Variants in UGT2B28 observed in about 807,000 individuals in gnomAD.
The protein encoded by UGT2B28 is UDP glucuronosyltransferase family 2 member B28.
UGT2B28 carries 45 observed loss-of-function variants against 43.6 expected under a neutral mutation model. That is an observed-to-expected ratio of 1.03 (90% CI 0.81 to 1.32). The LOEUF is 1.32. Among genes scored for constraint, UGT2B28 ranks in the 40% most tolerant of loss-of-function variants. The pLI, the probability that UGT2B28 is intolerant of heterozygous loss-of-function variation, is 0.00. For missense variants in UGT2B28, 649 were observed against 625.5 expected, an observed-to-expected ratio of 1.04 and a Z score of -0.40; for synonymous variants, 204 against 208.1, an observed-to-expected ratio of 0.98 and a Z score of 0.17.
At position 69,290,978 on chromosome 4, in the gene UGT2B28, C is replaced by T. The variant is rs1327534577; in HGVS notation, c.1310+167C>T. 8.6e-5 allele frequency among the ~76,000 whole-genome samples: 12 copies of T among 140,038 alleles called. 3 individuals carry two copies. The highest frequency in any genetic ancestry group is 6.9e-3 in the Middle Eastern group (2 of 290). 91.9% of individuals were successfully genotyped at this position (140,038 alleles called of 152,430 possible). A position where few individuals can be genotyped will look rare whatever the true frequency, so the allele number is the denominator to read the frequency against. ...TTTTATCTGTTATTTAAAAATTGTG[C>T]TTGAATCCCATACATCTAATGAGTA... On this transcript the variant is annotated intron_variant, in intron 5 of 5. Coordinates refer to ENST00000335568, the MANE Select transcript of UGT2B28 (RefSeq NM_053039.2).
In UGT2B28 at chr4:69,289,532, G is replaced by C. The variant is rs530620557; in HGVS notation, c.1003-133G>C. On this transcript the variant is annotated intron_variant, in intron 3 of 5. Coordinates refer to ENST00000335568, the MANE Select transcript of UGT2B28 (RefSeq NM_053039.2). Reference sequence around the variant, plus strand: ...GTTAAGAAAATAAAATGTGAGTATTGTTTTTACATCAATCTCTGAGTAGAT... The same window carrying C: ...GTTAAGAAAATAAAATGTGAGTATTCTTTTTACATCAATCTCTGAGTAGAT... The C allele has an allele frequency of 1.7e-4, 137 of 827,720 alleles. 13 individuals are homozygous for C. In the South Asian group the frequency reaches 3.2e-3, roughly 20 times the overall value. 51.3% of individuals were successfully genotyped at this position (827,720 alleles called of 1,614,324 possible). A position where few individuals can be genotyped will look rare whatever the true frequency, so the allele number is the denominator to read the frequency against.
rs924362284 is a variant in UGT2B28, at chr4:69,283,678, T to C, written c.870+1016T>C. Reference sequence around the variant, plus strand: ...TATAGTCAGTGACTCAGAAATGTTATTAATTTTGCAATTATGGTTATTTTG... The same window carrying C: ...TATAGTCAGTGACTCAGAAATGTTACTAATTTTGCAATTATGGTTATTTTG... On this transcript the variant is annotated intron_variant, in intron 2 of 5. Coordinates refer to ENST00000335568, the MANE Select transcript of UGT2B28 (RefSeq NM_053039.2). Among the ~76,000 whole-genome samples the C allele has an allele frequency of 3.5e-5, 5 of 141,296 alleles. 2 individuals carry two copies. The highest frequency in any genetic ancestry group is 7.6e-5 in the Non-Finnish European group (5 of 65,800). 92.7% of individuals were successfully genotyped at this position (141,296 alleles called of 152,430 possible).
Position 69,290,491 on chromosome 4 carries a change from T to A in UGT2B28, c.1091-101T>A, listed in dbSNP as rs1723919583. The A allele has an allele frequency of 9.9e-6, 14 of 1,411,528 alleles. 4 individuals are homozygous for A. Among genetic ancestry groups the A allele is most frequent in the Admixed American group, 4.1e-5 (2 of 48,654 alleles). 87.4% of individuals were successfully genotyped at this position (1,411,528 alleles called of 1,614,324 possible). A position where few individuals can be genotyped will look rare whatever the true frequency, so the allele number is the denominator to read the frequency against. The stretch of plus-strand genomic sequence containing the variant: ...AGTCTGAAAAGTAATGGCAAATTAG[T>A]TTAATGTGTTATCTAGAAAACACTG... On this transcript the variant is annotated intron_variant, in intron 4 of 5. Coordinates refer to ENST00000335568, the MANE Select transcript of UGT2B28 (RefSeq NM_053039.2).
At chr4:69,289,630 A>T (rs1453700935) in intron 3 of UGT2B28, 35 bp from the exon 4 acceptor site, 1 of 1,502,598 alleles carries the variant, frequency 6.7e-7, no homozygotes, top group Non-Finnish European at 8.9e-7. Flanking sequence ...TTTGAGTTCC[A>T]CTCATGGAAT....
intron 5 of UGT2B28, among the ~76,000 whole-genome samples, chr4:69,293,675 C>A (rs1724019682): frequency 7.2e-6 from 1 of 139,610 alleles, no homozygotes; most frequent in Non-Finnish European, 1.5e-5. Flanking sequence ...AAGATGAGAA[C>A]ACCTTTGGAA....
intron 1 of UGT2B28, 48 bp from the exon 2 acceptor site, chr4:69,282,466 A>G (rs773430614): frequency 1.3e-6 from 2 of 1,504,082 alleles, no homozygotes; most frequent in East Asian, 4.8e-5. Context: ...AGTTATGTAA[A>G]GTAATTATCT....
chr4:69,290,843 A>G lies in UGT2B28; in HGVS notation c.1310+32A>G. On this transcript the variant is annotated intron_variant, in intron 5 of 5. Transcript: ENST00000335568. ...AGAACAGTATTTTTCACTAGGTGGT[A>G]TTTGTAGATAGCTTCTCTTTTCAAT... 1.3e-6 allele frequency: 2 copies of G among 1,540,742 alleles called. 1 individual carries two copies.
chr4:69,293,729 G>A (rs1724020958), intron 5 of UGT2B28, among the ~76,000 whole-genome samples: 1 of 140,100 alleles, frequency 7.1e-6, no homozygotes, highest in Non-Finnish European at 1.5e-5. Flanking sequence ...CAATGTGCAG[G>A]GGAAAAGTGT....
chr4:69,286,780 G>C lies in UGT2B28; in HGVS notation c.899G>C (p.Gly300Ala), dbSNP rs1351323725. ...KEMEEFVQSSGENGVVVFSLG... is the reference protein window; with the variant it reads ...KEMEEFVQSSAENGVVVFSLG... ...ATGGAGGAATTTGTACAGAGCTCTGGTGAAAATGGTGTTGTGGTGTTTTCT... is the reference window on the plus strand; with the variant it reads ...ATGGAGGAATTTGTACAGAGCTCTGCTGAAAATGGTGTTGTGGTGTTTTCT... Residue 300 changes from glycine to alanine, a missense_variant, in exon 3 of 6, where the codon GGT becomes GCT. Physicochemically the swap from Gly to Ala is moderately conservative, Grantham distance 60 (BLOSUM62 0). Coordinates refer to ENST00000335568, the MANE Select transcript of UGT2B28 (RefSeq NM_053039.2). 5 of 1,555,416 alleles carry C rather than the reference G, an allele frequency of 3.2e-6. No individual in the cohort carries two copies. The highest frequency in any genetic ancestry group is 4.3e-6 in the Non-Finnish European group (5 of 1,154,356).
Position 69,288,154 on chromosome 4 carries a change from A to G in UGT2B28, c.1002+1271A>G, listed in dbSNP as rs1008351395. 7.5e-5 allele frequency among the ~76,000 whole-genome samples: 10 copies of G among 133,260 alleles called. 2 individuals carry two copies. Among genetic ancestry groups the G allele is most frequent in the African/African-American group, 3.0e-4 (10 of 32,816 alleles). 87.4% of individuals were successfully genotyped at this position (133,260 alleles called of 152,430 possible). On this transcript the variant is annotated intron_variant, in intron 3 of 5. Transcript: ENST00000335568. ...AACAGGCTCCTCATTTCTAGGCCAA[A>G]AAAAAAAAAAATCCAAAATTAACGA...
At chr4:69,283,380 A>T (rs1396206205) in intron 2 of UGT2B28, among the ~76,000 whole-genome samples, 1 of 140,240 alleles carries the variant, frequency 7.1e-6, no homozygotes, top group Admixed American at 7.2e-5. Context: ...AAAAACTACT[A>T]AAAAGAGTTA....
rs1484087175 is a variant in UGT2B28, at chr4:69,285,512, T to C, written c.871-1240T>C. On this transcript the variant is annotated intron_variant, in intron 2 of 5. Transcript: ENST00000335568. ...CACATTAAATGTGGTTACAGGTAAC[T>C]GCAATCACACACAACACCTAGAAGC... Among the ~76,000 whole-genome samples, 4 of 138,400 alleles carry C rather than the reference T, an allele frequency of 2.9e-5. 2 individuals are homozygous for C. The South Asian group carries it at 9.6e-4, about 33-fold the overall frequency. The allele number at this position is 138,400 out of a possible 152,430, so 90.8% of individuals were successfully genotyped here.
chr4:69,287,860 C>G lies in UGT2B28; in HGVS notation c.1002+977C>G, dbSNP rs1399336899. 2.1e-5 allele frequency among the ~76,000 whole-genome samples: 3 copies of G among 140,596 alleles called. 1 individual carries two copies. The highest frequency in any genetic ancestry group is 8.3e-5 in the African/African-American group (3 of 35,990). 92.2% of individuals were successfully genotyped at this position (140,596 alleles called of 152,430 possible). On this transcript the variant is annotated intron_variant, in intron 3 of 5. Coordinates refer to ENST00000335568, the MANE Select transcript of UGT2B28 (RefSeq NM_053039.2). ...ATCTGATAAAGCTTTCTTGTAATGA[C>G]CTCTAACTTTTTGCTGAAACCTGAG...
intron 2 of UGT2B28, among the ~76,000 whole-genome samples, chr4:69,286,111 A>C (rs1383076323): frequency 7.1e-6 from 1 of 141,718 alleles, no homozygotes; most frequent in African/African-American, 2.7e-5. Context: ...TACTAGACTC[A>C]GGAATGTCAG....
Position 69,294,524 on chromosome 4 carries a change from C to A in UGT2B28, c.1311-6C>A. 1 of 1,525,292 alleles carries A rather than the reference C, an allele frequency of 6.6e-7. No individual in the cohort carries two copies. The allele number at this position is 1,525,292 out of a possible 1,614,324, so 94.5% of individuals were successfully genotyped here. ...CAGTGTTGGTATCTTTATTTTTATC[C>A]TTCAGATATAAAGAGAATGTTATGA... On this transcript the variant is annotated splice_region_variant and splice_polypyrimidine_tract_variant and intron_variant, in intron 5 of 5. Coordinates refer to ENST00000335568, the MANE Select transcript of UGT2B28 (RefSeq NM_053039.2).
In UGT2B28 at chr4:69,294,651, G is replaced by C; in HGVS notation, c.1432G>C (p.Val478Leu). Residue 478 changes from valine to leucine, a missense_variant, in exon 6 of 6, where the codon GTT (valine) becomes CTT (leucine). Physicochemically the swap from Val to Leu is conservative, Grantham distance 32 (BLOSUM62 1). Coordinates refer to ENST00000335568, the MANE Select transcript of UGT2B28 (RefSeq NM_053039.2). ...CCACAAAGGAGCCAAACACCTTCGA[G>C]TTGCAGCCCGTGACCTCACCTGGTT... ...MCHKGAKHLR[V>L]AARDLTWFQY... The C allele has an allele frequency of 1.9e-6, 3 of 1,559,984 alleles. No individual in the cohort carries two copies. The highest frequency in any genetic ancestry group is 2.6e-6 in the Non-Finnish European group (3 of 1,155,314).
intron 4 of UGT2B28, 103 bp downstream of exon 4, chr4:69,289,855 C>G (rs542189431): frequency 8.2e-7 from 1 of 1,220,494 alleles, no homozygotes; most frequent in Admixed American, 2.7e-5. Context: ...TATAGGAAAA[C>G]AAAAAGAACT....
rs774174647 is a variant in UGT2B28 at position 69,280,635 on chromosome 4, G to C, written c.135G>C (p.Glu45Asp). 3.2e-6 allele frequency: 5 copies of C among 1,561,400 alleles called. No individual in the cohort carries two copies. In the Admixed American group the frequency reaches 7.1e-5, roughly 22 times the overall value. ...TGAATATGAAGACAATCCTGAAAGA[G>C]CTTGTTCAGAGAGGTCATGAGGTGA... ...HWMNMKTILKELVQRGHEVTV... is the reference protein window; with the variant it reads ...HWMNMKTILKDLVQRGHEVTV... The change falls in exon 1 of 6, where the codon GAG becomes GAC. Residue 45 changes from glutamate to aspartate, a missense_variant. Transcript: ENST00000335568.
chr4:69,283,009 TAGAC>T (rs1294030916), intron 2 of UGT2B28, among the ~76,000 whole-genome samples: 2 of 139,874 alleles, frequency 1.4e-5, no homozygotes, highest in East Asian at 2.0e-4. Context: ...AGAAAAAAAA[TAGAC>T]AGTTTCCGTC....
Sources: gnomAD v4.1 joint callset for allele counts (sites outside exome capture counted in the v4.1 genomes callset) on GRCh38, gnomAD v4.1.1 for gene constraint, MANE v1.5 for transcripts, NCBI Gene and HGNC (gene_info 2026-07-23, HGNC 2026-07-21) for gene names.